The following UBASH3A variants were observed in gnomAD, a reference collection of about 807,000 sequenced individuals.
UBASH3A encodes ubiquitin associated and SH3 domain containing A.
UBASH3A carries 63 observed loss-of-function variants against 73.5 expected under a neutral mutation model. That is an observed-to-expected ratio of 0.86 (90% CI 0.70 to 1.06). The LOEUF (loss-of-function observed/expected upper bound fraction) is 1.06, where lower values mean the gene tolerates loss of function less well. UBASH3A is among the 50% of genes least tolerant of loss of function. The probability of loss-of-function intolerance (pLI) is 0.00; values close to 1 mark genes in which losing one functional copy is unlikely to be tolerated. For synonymous variants in UBASH3A, 363 were observed against 351.1 expected (o/e 1.03, Z -0.38); for missense variants, 860 against 859.0 (o/e 1.00, Z -0.02).
At chr21:42,419,913 C>T (rs896539769) in intron 7 of UBASH3A, among the ~76,000 whole-genome samples, 5 of 152,118 alleles carry the variant, frequency 3.3e-5, no homozygotes, top group African/African-American at 4.8e-5. Flanking sequence ...GTGTTCTGAG[C>T]GTGTTTAAGG....
chr21:42,418,939 C>A (rs1455998512), intron 7 of UBASH3A, among the ~76,000 whole-genome samples: 1 of 152,026 alleles, frequency 6.6e-6, no homozygotes, highest in South Asian at 2.1e-4. Context: ...TCTTCTGCTC[C>A]GTGTATGAAA....
At chr21:42,440,832 G>T (rs559880706) in intron 11 of UBASH3A, among the ~76,000 whole-genome samples, 1 of 152,348 alleles carries the variant, frequency 6.6e-6, no homozygotes, top group Non-Finnish European at 1.5e-5. Context: ...CTCTTGGCCA[G>T]CCTTTGTAAT....
intron 1 of UBASH3A, among the ~76,000 whole-genome samples, chr21:42,404,828 A>G (rs1310715263): frequency 6.6e-6 from 1 of 152,126 alleles, no homozygotes; most frequent in East Asian, 1.9e-4. Context: ...GACCCTGCTT[A>G]CCCAAGGGAA....
Position 42,416,428 on chromosome 21 carries a change from C to G in UBASH3A, c.668-14C>G, listed in dbSNP as rs776368435. The G allele has an allele frequency of 6.4e-7, 1 of 1,552,076 alleles. No homozygotes were observed. Reference sequence around the variant, plus strand: ...CGGTGTCCTGGCACCCTCTGTGTTTCCCTGATTTCACAGACTGCTCCGTGA... The same window carrying G: ...CGGTGTCCTGGCACCCTCTGTGTTTGCCTGATTTCACAGACTGCTCCGTGA... On this transcript the variant is annotated splice_polypyrimidine_tract_variant and intron_variant, in intron 5 of 14. Transcript: ENST00000319294.
At chr21:42,443,506 A>G in intron 13 of UBASH3A, 88 bp downstream of exon 13, 1 of 1,150,042 alleles carries the variant, frequency 8.7e-7, no homozygotes, top group Non-Finnish European at 1.2e-6. Flanking sequence ...TTCTGAACCT[A>G]TGAATGCCCC....
chr21:42,430,185 G>A (rs541197352), intron 8 of UBASH3A, among the ~76,000 whole-genome samples: 49 of 152,248 alleles, frequency 3.2e-4, no homozygotes, highest in African/African-American at 1.1e-3. Flanking sequence ...GGGACACCAC[G>A]GGGGACCACT....
rs1371705779 is a variant in UBASH3A at position 42,434,903 on chromosome 21, G to C, written c.1342G>C (p.Glu448Gln). The C allele has an allele frequency of 5.0e-6, 8 of 1,614,200 alleles. No homozygotes were observed. Among genetic ancestry groups the C allele is most frequent in the Non-Finnish European group, 6.8e-6 (8 of 1,180,032 alleles). Residue 448 changes from glutamate (E) to glutamine (Q), a missense_variant, in exon 10 of 15, where the codon GAA becomes CAA. Glu to Gln is a conservative substitution (Grantham distance 29, BLOSUM62 2). Coordinates refer to ENST00000319294, the MANE Select transcript of UBASH3A (RefSeq NM_018961.4). ...PRRSRGIKDF[E>Q]NDPPLSSCGI... ...ACGGAGTCGTGGGATCAAAGACTTT[G>C]AAAACGATCCCCCATTATCATCGTG...
chr21:42,434,104 G>A (rs73227509), intron 9 of UBASH3A, among the ~76,000 whole-genome samples: 137 of 152,250 alleles, frequency 9.0e-4, no homozygotes, highest in Non-Finnish European at 1.7e-3. Flanking sequence ...GCCCCGACTC[G>A]TTGACCACTC....
chr21:42,442,696 G>A (rs1215370369), intron 12 of UBASH3A, 100 bp downstream of exon 12: 1 of 1,320,994 alleles, frequency 7.6e-7, no homozygotes, highest in Admixed American at 2.3e-5. Context: ...CTTTATTCAA[G>A]AGGGACCACT....
chr21:42,447,033 A>G, intron 14 of UBASH3A, 24 bp from the exon 15 acceptor site: 1 of 1,605,786 alleles, frequency 6.2e-7, no homozygotes, highest in Non-Finnish European at 8.5e-7. Context: ...AGATATTAAC[A>G]AGTGATTTAA....
In UBASH3A at chr21:42,437,544, C is replaced by G. The variant is rs1568936548; in HGVS notation, c.1450C>G (p.Leu484Val). 1.2e-5 allele frequency: 20 copies of G among 1,614,264 alleles called. No individual in the cohort carries two copies. The highest frequency in any genetic ancestry group is 1.7e-5 in the Non-Finnish European group (20 of 1,180,038). ...CAGCTCTGTGTTTGCCTCCCCAGCC[C>G]TCCGCTGTGTGCAGACGGCCAAACT... ...RISSVFASPA[L>V]RCVQTAKLIL... Residue 484 changes from leucine to valine, a missense_variant, in exon 11 of 15, where the codon CTC (leucine) becomes GTC (valine). Physicochemically the swap from Leu to Val is conservative, Grantham distance 32. Transcript: ENST00000319294.
intron 11 of UBASH3A, among the ~76,000 whole-genome samples, chr21:42,440,300 C>T (rs987175042): frequency 6.6e-6 from 1 of 152,298 alleles, no homozygotes; most frequent in South Asian, 2.1e-4. Flanking sequence ...GCAGGGTCTC[C>T]GAGTATCTGG....
chr21:42,404,046 C>G lies in UBASH3A; in HGVS notation c.101C>G (p.Pro34Arg). The G allele has an allele frequency of 6.6e-7, 1 of 1,518,710 alleles. No individual in the cohort carries two copies. The highest frequency in any genetic ancestry group is 8.9e-7 in the Non-Finnish European group (1 of 1,128,004). The allele number at this position is 1,518,710 out of a possible 1,614,324, so 94.1% of individuals were successfully genotyped here. A position where few individuals can be genotyped will look rare whatever the true frequency, so the allele number is the denominator to read the frequency against. Residue 34 changes from proline to arginine, a missense_variant, in exon 1 of 15, where the codon CCG becomes CGG. Coordinates refer to ENST00000319294, the MANE Select transcript of UBASH3A (RefSeq NM_018961.4). The part of the protein sequence containing the change: ...LLEPLLAMGF[P>R]VHTALKALAA... ...GAGCCCCTCCTGGCCATGGGCTTCC[C>G]GGTGCACACCGCGTGAGTACTGCCC...
chr21:42,443,639 C>G (rs1020919146), intron 13 of UBASH3A, among the ~76,000 whole-genome samples: 1 of 151,514 alleles, frequency 6.6e-6, no homozygotes, highest in African/African-American at 2.4e-5. Flanking sequence ...TGGGACCCCC[C>G]ATCCTGGGAC....
At chr21:42,424,925 GAGGAGA>G (rs1175058264) in intron 7 of UBASH3A, among the ~76,000 whole-genome samples, 1 of 152,176 alleles carries the variant, frequency 6.6e-6, no homozygotes, top group East Asian at 1.9e-4. Context: ...GTGAGGAAAC[GAGGAGA>G]AGTACCTGTC....
At position 42,443,360 on chromosome 21, in the gene UBASH3A, G is replaced by A. The variant is rs2053785034; in HGVS notation, c.1680G>A (p.Glu560=). 2 of 1,613,430 alleles carry A rather than the reference G, an allele frequency of 1.2e-6. No homozygotes were observed. Among genetic ancestry groups the A allele is most frequent in the Non-Finnish European group, 1.7e-6 (2 of 1,179,678 alleles). Residue 560 remains glutamate, a synonymous_variant, in exon 13 of 15, where the codon GAG becomes GAA. Transcript: ENST00000319294. ...SALMPAESYQ[E]YMDRCTASMV... is the part of the protein sequence containing the mutation. ...TCATGCCGGCCGAGAGCTACCAGGA[G>A]TACATGGACAGGTGCACGGCGAGCA...
intron 8 of UBASH3A, among the ~76,000 whole-genome samples, chr21:42,428,377 C>A (rs1357968153): frequency 6.6e-6 from 1 of 152,142 alleles, no homozygotes; most frequent in African/African-American, 2.4e-5. Flanking sequence ...AAGAATGTGT[C>A]TCTGAAGCTG....
chr21:42,444,651 C>T lies in UBASH3A; in HGVS notation c.1848+8C>T, dbSNP rs750223505. 1 of 1,601,828 alleles carries T rather than the reference C, an allele frequency of 6.2e-7. No individual in the cohort carries two copies. The highest frequency in any genetic ancestry group is 1.3e-5 in the African/African-American group (1 of 74,630). ...GCCCAACTCGTGAGAAAGGTACGCG[C>T]CCACTCTTGGCTCTTTGGGCCACAA... On this transcript the variant is annotated splice_region_variant and intron_variant, in intron 14 of 14. Transcript: ENST00000319294.
chr21:42,446,136 A>G (rs2053840260), intron 14 of UBASH3A, among the ~76,000 whole-genome samples: 1 of 152,166 alleles, frequency 6.6e-6, no homozygotes, highest in Non-Finnish European at 1.5e-5. Context: ...TTGTGGCCAA[A>G]GCTCCACCCA....
Sources: allele counts gnomAD v4.1 joint callset (sites outside exome capture counted in the v4.1 genomes callset), GRCh38; gene constraint gnomAD v4.1.1; transcripts MANE v1.5; gene names NCBI Gene and HGNC (gene_info 2026-07-23, HGNC 2026-07-21).